Variants in KCNJ16 observed in about 807,000 individuals in gnomAD.
The protein encoded by KCNJ16 is inward rectifier potassium channel 16.
In KCNJ16, 15 loss-of-function variants were observed where a neutral mutation model predicts 18.5. The observed-to-expected ratio is 0.81, with a 90% confidence interval of 0.54 to 1.25. The LOEUF (loss-of-function observed/expected upper bound fraction) is 1.25. Ranked by LOEUF, KCNJ16 falls within the 50% of genes most tolerant of loss-of-function variation. KCNJ16 has a pLI of 0.00. For synonymous variants in KCNJ16, 174 were observed against 186.5 expected, an observed-to-expected ratio of 0.93 and a Z score of 0.55; for missense variants, 523 against 525.7, an observed-to-expected ratio of 0.99 and a Z score of 0.05.
chr17:70,078,460 T>C (rs1328333769), intron 1 of KCNJ16, among the ~76,000 whole-genome samples: 2 of 152,218 alleles, frequency 1.3e-5, no homozygotes, highest in Admixed American at 6.5e-5. Context: ...AATGGTTACA[T>C]GGCTTCAGAT....
chr17:70,080,054 G>C (rs1210043502), intron 1 of KCNJ16, among the ~76,000 whole-genome samples: 12 of 152,086 alleles, frequency 7.9e-5, no homozygotes, highest in Admixed American at 7.9e-4. Flanking sequence ...TGGTTAAAGA[G>C]AAAAAGATTT....
At chr17:70,131,496 T>C in intron 3 of KCNJ16, 3 of 995,910 alleles carry the variant, frequency 3.0e-6, no homozygotes, top group Middle Eastern at 5.2e-4. Context: ...GGATTACCTA[T>C]TACACTAACA....
At chr17:70,128,467 C>G (rs1324293790) in intron 2 of KCNJ16, among the ~76,000 whole-genome samples, 1 of 152,166 alleles carries the variant, frequency 6.6e-6, no homozygotes, top group Non-Finnish European at 1.5e-5. Flanking sequence ...TCTCTCGCTG[C>G]TTTCCTCAGT....
At chr17:70,076,480 C>G (rs1308936455) in intron 1 of KCNJ16, among the ~76,000 whole-genome samples, 2 of 152,048 alleles carry the variant, frequency 1.3e-5, no homozygotes, top group Non-Finnish European at 2.9e-5. Flanking sequence ...AGAAAGAGAG[C>G]CTGAGTAACT....
At chr17:70,108,068 G>A (rs572771537) in intron 2 of KCNJ16, among the ~76,000 whole-genome samples, 24 of 152,112 alleles carry the variant, frequency 1.6e-4, no homozygotes, top group South Asian at 6.2e-4. Flanking sequence ...TTCTAGCCCC[G>A]CCCTTTGTAG....
intron 2 of KCNJ16, among the ~76,000 whole-genome samples, chr17:70,111,007 G>A (rs1211810410): frequency 6.6e-6 from 1 of 152,088 alleles, no homozygotes; most frequent in East Asian, 1.9e-4. Flanking sequence ...TGCATCTCAG[G>A]AAAAATTAAA....
intron 2 of KCNJ16, among the ~76,000 whole-genome samples, chr17:70,112,441 T>G (rs2073226429): frequency 6.6e-6 from 1 of 151,778 alleles, no homozygotes. Context: ...CAAATGCCAA[T>G]GATGTTTATA....
chr17:70,103,626 T>G (rs967881317), intron 2 of KCNJ16, among the ~76,000 whole-genome samples: 2 of 151,990 alleles, frequency 1.3e-5, no homozygotes, highest in African/African-American at 2.4e-5. Flanking sequence ...TTGGAATCCT[T>G]CTCCTTTCTA....
At chr17:70,111,374 G>A (rs1403577045) in intron 2 of KCNJ16, among the ~76,000 whole-genome samples, 5 of 152,134 alleles carry the variant, frequency 3.3e-5, no homozygotes, top group Non-Finnish European at 7.4e-5. Context: ...TAAGGGGAAC[G>A]TGTCACTAAA....
chr17:70,110,120 T>C (rs2073121890), intron 2 of KCNJ16, among the ~76,000 whole-genome samples: 1 of 152,184 alleles, frequency 6.6e-6, no homozygotes, highest in Non-Finnish European at 1.5e-5. Flanking sequence ...GGCATTCTTT[T>C]ATCTCTAATT....
Position 70,075,367 on chromosome 17 carries a change from T to G in KCNJ16, c.-323T>G, listed in dbSNP as rs1208884471. On this transcript the variant is annotated 5_prime_UTR_variant, in exon 1 of 4. The change creates a new upstream start codon in the 5' untranslated region. Transcript: ENST00000392671. ...AGCTGAAAGCACCTAGCTCATAGAT[T>G]CTCTGTGGGGAGAGTGAATAAAGGT... is the stretch of plus-strand genomic sequence containing the variant. The G allele has an allele frequency of 2.0e-5, 3 of 152,202 alleles. No individual in the cohort carries two copies. Among genetic ancestry groups the G allele is most frequent in the Admixed American group, 2.0e-4 (3 of 15,274 alleles). The allele number at this position is 152,202 out of a possible 1,614,324, so 9.4% of individuals were successfully genotyped here.
rs141211023 is a variant in KCNJ16 at position 70,098,928 on chromosome 17, C to T, written c.-299-1730C>T. ...GTTGAGCAAATTCTAAGTGCCTGAGCCAGCTCCCACTAGCTCACAAGAGCT... is the reference window on the plus strand; with the variant it reads ...GTTGAGCAAATTCTAAGTGCCTGAGTCAGCTCCCACTAGCTCACAAGAGCT... On this transcript the variant is annotated intron_variant, in intron 1 of 3. Coordinates refer to ENST00000392671, the MANE Select transcript of KCNJ16 (RefSeq NM_170741.4). Among the ~76,000 whole-genome samples, 101 of 152,292 alleles carry T rather than the reference C, an allele frequency of 6.6e-4. No individual in the cohort carries two copies. In the East Asian group the frequency reaches 0.017, roughly 25 times the overall value.
intron 1 of KCNJ16, among the ~76,000 whole-genome samples, chr17:70,079,864 G>A (rs1391538130): frequency 5.3e-5 from 8 of 151,962 alleles, no homozygotes; most frequent in Admixed American, 4.6e-4. Flanking sequence ...CACCATGCCT[G>A]GCTATTTTTT....
At chr17:70,093,853 G>A (rs541774454) in intron 1 of KCNJ16, among the ~76,000 whole-genome samples, 25 of 151,884 alleles carry the variant, frequency 1.6e-4, no homozygotes, top group African/African-American at 5.8e-4. Context: ...CAATTATTCT[G>A]TAATTTGCCA....
intron 2 of KCNJ16, among the ~76,000 whole-genome samples, chr17:70,129,070 T>C (rs376653960): frequency 4.9e-4 from 75 of 152,318 alleles, no homozygotes; most frequent in African/African-American, 1.8e-3. Context: ...TCTTGAGCCT[T>C]GGGACTGGGC....
At chr17:70,085,445 T>C (rs749169674) in intron 1 of KCNJ16, among the ~76,000 whole-genome samples, 1 of 152,230 alleles carries the variant, frequency 6.6e-6, no homozygotes, top group Non-Finnish European at 1.5e-5. Context: ...TATGTAGTCA[T>C]GTAGTAAAGG....
chr17:70,115,572 G>A (rs2073369179), intron 2 of KCNJ16, among the ~76,000 whole-genome samples: 1 of 152,104 alleles, frequency 6.6e-6, no homozygotes, highest in African/African-American at 2.4e-5. Flanking sequence ...TGTTACACAA[G>A]CCAAGAAATA....
intron 2 of KCNJ16, among the ~76,000 whole-genome samples, chr17:70,112,600 A>G (rs1356518454): frequency 6.6e-6 from 1 of 152,126 alleles, no homozygotes; most frequent in Non-Finnish European, 1.5e-5. Context: ...TGATCTTTTC[A>G]TAAATATTAT....
At chr17:70,103,286 A>ATGTGTGATG (rs367701950) in intron 2 of KCNJ16, among the ~76,000 whole-genome samples, 7,178 of 103,570 alleles carry the variant, frequency 0.069, 342 homozygotes, top group African/African-American at 0.1. Context: ...ATATGCATAT[A>ATGTGTGATG]TGTGTGTGTG....
Sources: gnomAD v4.1 joint callset for allele counts (sites outside exome capture counted in the v4.1 genomes callset) on GRCh38, gnomAD v4.1.1 for gene constraint, MANE v1.5 for transcripts, NCBI Gene and HGNC (gene_info 2026-07-23, HGNC 2026-07-21) for gene names.